Variants in SUGCT observed in about 807,000 individuals in gnomAD.
SUGCT encodes succinyl-CoA:glutarate-CoA transferase, also known as succinyl-CoA:glutarate CoA-transferase.
In SUGCT, 41 loss-of-function variants were observed where a neutral mutation model predicts 55.0. That is an observed-to-expected ratio of 0.74 (90% CI 0.58 to 0.97). The LOEUF is 0.97. SUGCT is among the 50% of genes least tolerant of loss of function. The pLI is 0.00. For synonymous variants in SUGCT, 187 were observed against 200.4 expected (o/e 0.93, Z 0.56); for missense variants, 568 against 547.8 (o/e 1.04, Z -0.37).
At chr7:40,324,452 C>T (rs909053163) in intron 9 of SUGCT, among the ~76,000 whole-genome samples, 5 of 151,658 alleles carry the variant, frequency 3.3e-5, no homozygotes, top group Non-Finnish European at 5.9e-5. Context: ...GATGGGGTTT[C>T]ACCATGTTTG....
chr7:40,233,987 A>G (rs1788867617), intron 6 of SUGCT, among the ~76,000 whole-genome samples: 1 of 152,212 alleles, frequency 6.6e-6, no homozygotes, highest in South Asian at 2.1e-4. Context: ...GAGAGCAACT[A>G]TTCCTTTTCT....
intron 9 of SUGCT, among the ~76,000 whole-genome samples, chr7:40,404,721 G>A (rs972562060): frequency 1.3e-5 from 2 of 152,172 alleles, no homozygotes; most frequent in East Asian, 3.8e-4. Flanking sequence ...ACAGGCATGA[G>A]CCACCATGCT....
intron 3 of SUGCT, among the ~76,000 whole-genome samples, chr7:40,186,284 G>C (rs73312995): frequency 0.044 from 6,138 of 139,202 alleles, 439 homozygotes; most frequent in African/African-American, 0.15. Flanking sequence ...CTTTTCACAG[G>C]ATCTTGCTCT....
chr7:40,817,831 T>C (rs1004995201), intron 13 of SUGCT, among the ~76,000 whole-genome samples: 1 of 152,104 alleles, frequency 6.6e-6, no homozygotes, highest in Non-Finnish European at 1.5e-5. Context: ...AGAAGGAACA[T>C]CTGGAAGAGT....
At chr7:40,589,320 A>G (rs1584066625) in intron 12 of SUGCT, among the ~76,000 whole-genome samples, 1 of 152,166 alleles carries the variant, frequency 6.6e-6, no homozygotes, top group Non-Finnish European at 1.5e-5. Context: ...AAGAACAGAA[A>G]TTTATTCTCT....
At chr7:40,191,208 G>T (rs563823696) in intron 5 of SUGCT, among the ~76,000 whole-genome samples, 3 of 151,998 alleles carry the variant, frequency 2.0e-5, no homozygotes, top group Non-Finnish European at 4.4e-5. Flanking sequence ...GTAGAGATGG[G>T]GTTTCACCAT....
At chr7:40,279,998 A>G (rs891166469) in intron 8 of SUGCT, among the ~76,000 whole-genome samples, 1 of 152,212 alleles carries the variant, frequency 6.6e-6, no homozygotes, top group African/African-American at 2.4e-5. Context: ...TATTACATAG[A>G]ATGATGAATG....
At chr7:40,874,414 ATTAAG>A in the SUGCT span, among the ~76,000 whole-genome samples, 2 of 152,198 alleles carry the variant, frequency 1.3e-5, no homozygotes, top group African/African-American at 2.4e-5. Context: ...TCTCTGTTGT[ATTAAG>A]TTAACTAGAT....
At chr7:40,698,169 C>G (rs777811802) in intron 12 of SUGCT, among the ~76,000 whole-genome samples, 16 of 152,132 alleles carry the variant, frequency 1.1e-4, no homozygotes, top group Non-Finnish European at 1.6e-4. Flanking sequence ...GCTGGCATGG[C>G]CAGGTGACAG....
intron 9 of SUGCT, among the ~76,000 whole-genome samples, chr7:40,446,551 T>C (rs968475932): frequency 6.6e-6 from 1 of 152,210 alleles, no homozygotes; most frequent in African/African-American, 2.4e-5. Flanking sequence ...TGAAAGAGTT[T>C]ATGTGATATC....
chr7:40,137,207 A>C (rs1427595905), intron 1 of SUGCT, among the ~76,000 whole-genome samples: 1 of 152,098 alleles, frequency 6.6e-6, no homozygotes, highest in African/African-American at 2.4e-5. Context: ...AGATCACTGC[A>C]TCCTCGACCT....
chr7:40,566,022 CACG>C (rs1796127796), intron 12 of SUGCT, among the ~76,000 whole-genome samples: 1 of 142,840 alleles, frequency 7.0e-6, no homozygotes. Context: ...CACACACACA[CACG>C]AATATAAGCT....
At chr7:40,736,043 T>C (rs566560668) in intron 12 of SUGCT, among the ~76,000 whole-genome samples, 3 of 151,858 alleles carry the variant, frequency 2.0e-5, no homozygotes, top group African/African-American at 7.2e-5. Context: ...GAATTCATGA[T>C]TGGATACATA....
intron 12 of SUGCT, among the ~76,000 whole-genome samples, chr7:40,646,722 A>G (rs531220660): frequency 6.6e-6 from 1 of 151,834 alleles, no homozygotes; most frequent in South Asian, 2.1e-4. Flanking sequence ...ACCCAATCTA[A>G]CCAGGTCACC....
chr7:40,221,413 CA>C (rs200885495), intron 6 of SUGCT, among the ~76,000 whole-genome samples: 1,558 of 87,798 alleles, frequency 0.018, 11 homozygotes, highest in African/African-American at 0.036. Flanking sequence ...GACCCTGTCT[CA>C]AAAAAAAAAA....
chr7:40,389,384 A>C (rs181652574), intron 9 of SUGCT, among the ~76,000 whole-genome samples: 10 of 152,174 alleles, frequency 6.6e-5, no homozygotes, highest in Non-Finnish European at 1.2e-4. Flanking sequence ...CCCAGGAGGC[A>C]GAGGTTGCAG....
At chr7:40,205,114 C>T (rs1024218050) in intron 6 of SUGCT, among the ~76,000 whole-genome samples, 2 of 148,452 alleles carry the variant, frequency 1.3e-5, no homozygotes, top group East Asian at 2.1e-4. Context: ...ATTAGCCAGG[C>T]GTGGTGGCGT....
chr7:40,524,137 G>A lies in SUGCT; in HGVS notation c.1089+27751G>A, dbSNP rs139173249. Among the ~76,000 whole-genome samples the A allele has an allele frequency of 5.6e-3, 856 of 152,130 alleles. 4 individuals are homozygous for A. The highest frequency in any genetic ancestry group is 0.011 in the Admixed American group (171 of 15,274). ...TTTACTTTACCCTTGTCCTTAGTTA[G>A]TTTATTAGTATTATTTGTTTTCCGA... On this transcript the variant is annotated intron_variant, in intron 12 of 13. Coordinates refer to ENST00000335693, the MANE Select transcript of SUGCT (RefSeq NM_001193313.2).
chr7:40,897,098 C>T, the SUGCT span, among the ~76,000 whole-genome samples: 2 of 152,246 alleles, frequency 1.3e-5, no homozygotes, highest in Admixed American at 1.3e-4. Context: ...CAAGAACACA[C>T]AACGGGGAAA....
Sources: allele counts gnomAD v4.1 joint callset (sites outside exome capture counted in the v4.1 genomes callset), GRCh38; gene constraint gnomAD v4.1.1; transcripts MANE v1.5; gene names NCBI Gene and HGNC (gene_info 2026-07-23, HGNC 2026-07-21).